VPS13A: variants seen among roughly 807,000 people sequenced by gnomAD.
The protein encoded by VPS13A is vacuolar protein sorting 13 homolog A, also known as intermembrane lipid transfer protein VPS13A.
VPS13A carries 264 observed loss-of-function variants against 390.9 expected under a neutral mutation model. The observed-to-expected ratio is 0.68, with a 90% CI of 0.61 to 0.75. VPS13A has a LOEUF of 0.75. VPS13A is among the 30% of genes least tolerant of loss of function. The pLI is 0.00. For missense variants in VPS13A, 3,409 were observed against 3,733.9 expected (o/e 0.91, Z 2.27); for synonymous variants, 1,231 against 1,227.1 (o/e 1.00, Z -0.07).
rs1222260991 is a variant in VPS13A, at chr9:77,370,410, G to A, written c.8744-5G>A. 4 of 1,614,116 alleles carry A rather than the reference G, an allele frequency of 2.5e-6. No homozygotes were observed. Among genetic ancestry groups the A allele is most frequent in the East Asian group, 2.2e-5 (1 of 44,876 alleles). ...ATTACTTTTACTAAAGATAATTTCT[G>A]TCAGGTGGATTGGCTGGTGCTGCCT... On this transcript the variant is annotated splice_polypyrimidine_tract_variant and splice_region_variant and intron_variant, in intron 64 of 71. Transcript: ENST00000360280.
At chr9:77,348,418 A>G (rs1438890641) in intron 52 of VPS13A, among the ~76,000 whole-genome samples, 1 of 152,166 alleles carries the variant, frequency 6.6e-6, no homozygotes, top group Non-Finnish European at 1.5e-5. Flanking sequence ...GAACAATGAG[A>G]ACACATGGAC....
At chr9:77,299,116 A>G (rs760920173) in intron 33 of VPS13A, among the ~76,000 whole-genome samples, 1 of 152,098 alleles carries the variant, frequency 6.6e-6, no homozygotes, top group Non-Finnish European at 1.5e-5. Flanking sequence ...CCATTGGTCT[A>G]TATATCCGTT....
chr9:77,316,500 A>G lies in VPS13A; in HGVS notation c.4863+94A>G, dbSNP rs1438869745. The G allele has an allele frequency of 2.3e-5, 24 of 1,021,962 alleles. No homozygotes were observed. The Admixed American group carries it at 3.9e-4, about 16-fold the overall frequency. The allele number at this position is 1,021,962 out of a possible 1,614,324, so 63.3% of individuals were successfully genotyped here. On this transcript the variant is annotated intron_variant, in intron 39 of 71. Transcript: ENST00000360280. ...ACAAAAACTACCTACATGCTTTCCA[A>G]CCTTGCTCTGTAAAATGTCTTTCTC...
At chr9:77,411,619 C>T (rs1157167174) in intron 71 of VPS13A, among the ~76,000 whole-genome samples, 1 of 131,578 alleles carries the variant, frequency 7.6e-6, no homozygotes, top group Non-Finnish European at 1.5e-5. Flanking sequence ...GCCGAGATGG[C>T]GCCACTGCAC....
chr9:77,206,153 T>A, intron 5 of VPS13A, 74 bp downstream of exon 5: 1 of 1,048,876 alleles, frequency 9.5e-7, no homozygotes, highest in African/African-American at 1.6e-5. Flanking sequence ...AATTGAATAT[T>A]ATTTTTCTCT....
At chr9:77,328,621 C>G (rs2131470380) in intron 45 of VPS13A, among the ~76,000 whole-genome samples, 1 of 152,312 alleles carries the variant, frequency 6.6e-6, no homozygotes, top group South Asian at 2.1e-4. Context: ...GGATAACTTG[C>G]TGCAGCCACT....
At chr9:77,306,238 A>G (rs1029075393) in intron 34 of VPS13A, among the ~76,000 whole-genome samples, 1 of 152,218 alleles carries the variant, frequency 6.6e-6, no homozygotes, top group Non-Finnish European at 1.5e-5. Flanking sequence ...GCTTGGTTAC[A>G]AGTAAAACTT....
chr9:77,341,691 CTTTTTTTTTTTTTT>C (rs57841628), intron 50 of VPS13A, among the ~76,000 whole-genome samples: 19 of 37,842 alleles, frequency 5.0e-4, no homozygotes, highest in East Asian at 8.2e-4. Flanking sequence ...GACATCTTTC[CTTTTTTTTTTTTTT>C]TTTTTTTTTT....
Position 77,195,315 on chromosome 9 carries a change from C to G in VPS13A, c.101-4630C>G, listed in dbSNP as rs113668175. ...ATTTTTTTGTATTTTTAGTAGAGAC[C>G]GAGTTTCACCATGTTAGCCAGGATG... On this transcript the variant is annotated intron_variant, in intron 1 of 71. Coordinates refer to ENST00000360280, the MANE Select transcript of VPS13A (RefSeq NM_033305.3). Among the ~76,000 whole-genome samples, 1,215 of 152,184 alleles carry G rather than the reference C, an allele frequency of 8.0e-3. 17 individuals are homozygous for G. The highest frequency in any genetic ancestry group is 0.027 in the African/African-American group (1,135 of 41,560).
intron 10 of VPS13A, among the ~76,000 whole-genome samples, chr9:77,216,567 T>C (rs969417548): frequency 1.3e-5 from 2 of 152,202 alleles, no homozygotes; most frequent in African/African-American, 4.8e-5. Context: ...GAAGTCCTTA[T>C]ACTGAGTAGA....
chr9:77,284,220 A>C (rs567933990), intron 31 of VPS13A, among the ~76,000 whole-genome samples: 1 of 152,298 alleles, frequency 6.6e-6, no homozygotes, highest in South Asian at 2.1e-4. Flanking sequence ...TCCTACCTGA[A>C]GCAGGCAGGA....
At chr9:77,224,860 G>A (rs1823417815) in intron 13 of VPS13A, among the ~76,000 whole-genome samples, 1 of 152,130 alleles carries the variant, frequency 6.6e-6, no homozygotes, top group Non-Finnish European at 1.5e-5. Flanking sequence ...GAAAAGAAGA[G>A]TCAATTGATG....
At chr9:77,361,951 G>C (rs1832165135) in intron 59 of VPS13A, among the ~76,000 whole-genome samples, 1 of 152,066 alleles carries the variant, frequency 6.6e-6, no homozygotes, top group South Asian at 2.1e-4. Context: ...ATGTTAAGTA[G>C]TTAATTTGCA....
intron 19 of VPS13A, 44 bp downstream of exon 19, chr9:77,238,430 A>C (rs1489921675): frequency 3.7e-6 from 5 of 1,362,348 alleles, no homozygotes; most frequent in Non-Finnish European, 4.2e-6. Context: ...ACTGTATCCT[A>C]TATTAAACTT....
chr9:77,410,360 A>G (rs1320435177), intron 71 of VPS13A, among the ~76,000 whole-genome samples: 1 of 152,214 alleles, frequency 6.6e-6, no homozygotes, highest in Non-Finnish European at 1.5e-5. Flanking sequence ...TGTAAAGACC[A>G]TCAAGGCTAG....
At chr9:77,391,220 A>G (rs941133700) in intron 68 of VPS13A, among the ~76,000 whole-genome samples, 2 of 152,228 alleles carry the variant, frequency 1.3e-5, no homozygotes, top group Non-Finnish European at 2.9e-5. Flanking sequence ...GGACACAAAG[A>G]TTCTCAGCAT....
At chr9:77,357,598 A>T (rs1158594201) in intron 55 of VPS13A, 94 bp from the exon 56 acceptor site, 2 of 1,244,934 alleles carry the variant, frequency 1.6e-6, no homozygotes, top group Non-Finnish European at 1.1e-6. Context: ...ACAAATATGT[A>T]GCTTACTGTT....
chr9:77,352,802 C>T (rs1831543112), intron 53 of VPS13A, among the ~76,000 whole-genome samples: 1 of 151,936 alleles, frequency 6.6e-6, no homozygotes, highest in Admixed American at 6.6e-5. Flanking sequence ...TGAAGGTATA[C>T]TATATAGTAA....
At chr9:77,192,172 C>G (rs1824726800) in intron 1 of VPS13A, among the ~76,000 whole-genome samples, 1 of 152,054 alleles carries the variant, frequency 6.6e-6, no homozygotes, top group Non-Finnish European at 1.5e-5. Context: ...CATGCCTGCC[C>G]TTTTTTGTTT....
Sources: gnomAD v4.1 joint callset for allele counts (sites outside exome capture counted in the v4.1 genomes callset) on GRCh38, gnomAD v4.1.1 for gene constraint, MANE v1.5 for transcripts, NCBI Gene and HGNC (gene_info 2026-07-23, HGNC 2026-07-21) for gene names.